Variants in TENM2 observed in about 807,000 individuals in gnomAD.
TENM2 encodes the protein teneurin transmembrane protein 2.
In TENM2, 52 loss-of-function variants were observed where a neutral mutation model predicts 245.2. That is an observed-to-expected ratio of 0.21 (90% CI 0.17 to 0.27). The LOEUF (loss-of-function observed/expected upper bound fraction) is 0.27, where lower values mean the gene tolerates loss of function less well. TENM2 is among the 10% of genes least tolerant of loss of function. The pLI is 1.00. For missense variants in TENM2, 3,046 were observed against 3,666.8 expected (o/e 0.83, Z 4.37); for synonymous variants, 1,363 against 1,438.9 (o/e 0.95, Z 1.19).
rs554437057 is a variant in TENM2, at chr5:168,098,612, G to C, written c.1813+485G>C. On this transcript the variant is annotated intron_variant, in intron 9 of 28. Transcript: ENST00000518659. ...GTGCACAGAATAGCTGGAGCCCTGA[G>C]ATTCTTGGGGGAAAGGTAATATAAG... is the stretch of plus-strand genomic sequence containing the variant. Among the ~76,000 whole-genome samples, 29 of 152,230 alleles carry C rather than the reference G, an allele frequency of 1.9e-4. No individual in the cohort carries two copies. In the South Asian group the frequency reaches 3.9e-3, roughly 21 times the overall value.
At chr5:167,002,668 A>C in the TENM2 span, among the ~76,000 whole-genome samples, 1 of 150,992 alleles carries the variant, frequency 6.6e-6, no homozygotes, top group Admixed American at 6.6e-5. Context: ...CAAAAAAACA[A>C]AAAAAAAACA....
At chr5:167,493,465 A>G (rs1768579389) in intron 2 of TENM2, among the ~76,000 whole-genome samples, 1 of 152,150 alleles carries the variant, frequency 6.6e-6, no homozygotes, top group Non-Finnish European at 1.5e-5. Context: ...TGATTCATAT[A>G]AAAATGGAAG....
intron 1 of TENM2, among the ~76,000 whole-genome samples, chr5:167,373,992 C>T (rs999104825): frequency 1.3e-5 from 2 of 152,212 alleles, no homozygotes; most frequent in Admixed American, 1.3e-4. Flanking sequence ...TGCACACATT[C>T]ACTTTCCGTA....
chr5:167,057,049 T>G, the TENM2 span, among the ~76,000 whole-genome samples: 1 of 152,100 alleles, frequency 6.6e-6, no homozygotes, highest in Non-Finnish European at 1.5e-5. Flanking sequence ...TGCTTTTCAG[T>G]TTTCGAAATT....
At chr5:167,895,412 A>G (rs1013364723) in intron 3 of TENM2, among the ~76,000 whole-genome samples, 1 of 152,244 alleles carries the variant, frequency 6.6e-6, no homozygotes, top group Non-Finnish European at 1.5e-5. Flanking sequence ...TCGTCCTTTC[A>G]TTAATGAAGG....
intron 5 of TENM2, among the ~76,000 whole-genome samples, chr5:167,997,458 C>T (rs1330506171): frequency 1.3e-5 from 2 of 152,170 alleles, no homozygotes; most frequent in Admixed American, 6.5e-5. Flanking sequence ...AATCAGTCCT[C>T]ATATTTCTGC....
intron 1 of TENM2, among the ~76,000 whole-genome samples, chr5:167,332,321 T>C (rs964168673): frequency 1.3e-5 from 2 of 152,212 alleles, no homozygotes; most frequent in African/African-American, 4.8e-5. Context: ...TTATGCCTTT[T>C]TATGTTTTTG....
intron 3 of TENM2, among the ~76,000 whole-genome samples, chr5:167,883,938 G>A (rs942329604): frequency 2.0e-5 from 3 of 152,092 alleles, no homozygotes; most frequent in African/African-American, 7.2e-5. Context: ...CCCAGCCCTG[G>A]GTACATCTCT....
intron 2 of TENM2, among the ~76,000 whole-genome samples, chr5:167,774,214 G>GGA (rs1763598518): frequency 2.1e-4 from 23 of 111,422 alleles, no homozygotes; most frequent in East Asian, 5.5e-4. Context: ...GGGAGGGAGG[G>GGA]AGGAAGGAAG....
intron 2 of TENM2, among the ~76,000 whole-genome samples, chr5:167,534,846 T>G (rs1226235846): frequency 1.3e-5 from 2 of 152,152 alleles, no homozygotes; most frequent in Non-Finnish European, 2.9e-5. Context: ...TGTCCCTCAT[T>G]CCTGATGTCA....
chr5:167,241,488 G>C, the TENM2 span, among the ~76,000 whole-genome samples: 1 of 152,202 alleles, frequency 6.6e-6, no homozygotes, highest in Non-Finnish European at 1.5e-5. Context: ...GAAGGAGGCA[G>C]AGAGGCAGAC....
chr5:167,592,597 G>A (rs745534445), intron 2 of TENM2, among the ~76,000 whole-genome samples: 2 of 152,044 alleles, frequency 1.3e-5, no homozygotes, highest in Non-Finnish European at 2.9e-5. Context: ...TACACAAATG[G>A]TGCCTCCAAG....
chr5:167,462,787 C>T (rs1180223918), intron 2 of TENM2, among the ~76,000 whole-genome samples: 1 of 151,854 alleles, frequency 6.6e-6, no homozygotes, highest in Non-Finnish European at 1.5e-5. Context: ...CGTAGAGGGC[C>T]AAAAGGCAAC....
the TENM2 span, among the ~76,000 whole-genome samples, chr5:167,055,214 A>T: frequency 6.6e-6 from 1 of 152,126 alleles, no homozygotes; most frequent in Admixed American, 6.6e-5. Flanking sequence ...GAAGGGCACA[A>T]CATCTTTATC....
At chr5:168,058,077 G>A (rs527872581) in intron 6 of TENM2, among the ~76,000 whole-genome samples, 1 of 152,288 alleles carries the variant, frequency 6.6e-6, no homozygotes, top group East Asian at 1.9e-4. Context: ...CGCCTCACAT[G>A]GCATAATTAC....
At chr5:167,507,668 GC>G (rs1769646549) in intron 2 of TENM2, among the ~76,000 whole-genome samples, 1 of 152,044 alleles carries the variant, frequency 6.6e-6, no homozygotes, top group Non-Finnish European at 1.5e-5. Flanking sequence ...GTATCAGGTT[GC>G]TAAGCTCTAA....
intron 2 of TENM2, among the ~76,000 whole-genome samples, chr5:167,853,119 T>C (rs1485717751): frequency 6.6e-6 from 1 of 150,598 alleles, no homozygotes; most frequent in Non-Finnish European, 1.5e-5. Flanking sequence ...ACCCCGTCTC[T>C]ACTAAAAAAA....
intron 1 of TENM2, among the ~76,000 whole-genome samples, chr5:167,354,976 C>T (rs760260569): frequency 1.3e-5 from 2 of 152,196 alleles, no homozygotes; most frequent in Non-Finnish European, 2.9e-5. Flanking sequence ...TACCTCTCCC[C>T]TACGCTACCC....
intron 1 of TENM2, among the ~76,000 whole-genome samples, chr5:167,322,256 G>A (rs1168266191): frequency 7.4e-6 from 1 of 134,986 alleles, no homozygotes; most frequent in Non-Finnish European, 1.6e-5. Context: ...TTTTGTTTTT[G>A]TTTTGTTTTG....
Sources: allele counts gnomAD v4.1 joint callset (sites outside exome capture counted in the v4.1 genomes callset), GRCh38; gene constraint gnomAD v4.1.1; transcripts MANE v1.5; gene names NCBI Gene and HGNC (gene_info 2026-07-23, HGNC 2026-07-21).